The following WDR70 variants were observed in gnomAD, a reference collection of about 807,000 sequenced individuals.
The protein encoded by WDR70 is WD repeat domain 70.
Under a neutral mutation model 88.6 loss-of-function variants are expected in WDR70, and 53 were observed. That is an observed-to-expected ratio of 0.60 (90% CI 0.48 to 0.75). The LOEUF is 0.75. WDR70 is among the 30% of genes least tolerant of loss of function. The pLI, the probability that WDR70 is intolerant of heterozygous loss-of-function variation, is 0.00. For synonymous variants in WDR70, 280 were observed against 270.0 expected, an observed-to-expected ratio of 1.04 and a Z score of -0.36; for missense variants, 610 against 823.2, an observed-to-expected ratio of 0.74 and a Z score of 3.17.
chr5:37,565,429 A>G (rs556644459), intron 9 of WDR70, among the ~76,000 whole-genome samples: 35 of 151,982 alleles, frequency 2.3e-4, no homozygotes, highest in Non-Finnish European at 4.4e-4. Context: ...CTTTTGTGTC[A>G]TTAGTAACTG....
intron 9 of WDR70, among the ~76,000 whole-genome samples, chr5:37,523,666 A>G (rs953877888): frequency 5.3e-5 from 8 of 152,350 alleles, no homozygotes; most frequent in African/African-American, 1.9e-4. Flanking sequence ...AAGGCTTCAG[A>G]CGATCAAACT....
intron 5 of WDR70, among the ~76,000 whole-genome samples, chr5:37,405,163 C>A (rs1344182161): frequency 6.6e-6 from 1 of 151,936 alleles, no homozygotes; most frequent in African/African-American, 2.4e-5. Context: ...GTGTTGTGGT[C>A]ATGTAGAATG....
At chr5:37,506,917 A>C in intron 8 of WDR70, 1 of 863,224 alleles carries the variant, frequency 1.2e-6, no homozygotes, top group Admixed American at 1.8e-5. Flanking sequence ...TCCTCCTCCC[A>C]CCTTTTTCTC....
intron 7 of WDR70, among the ~76,000 whole-genome samples, chr5:37,474,973 C>G (rs1236149619): frequency 6.6e-6 from 1 of 151,998 alleles, no homozygotes; most frequent in Non-Finnish European, 1.5e-5. Context: ...GGCTGGAGTG[C>G]AGTGGCATGA....
chr5:37,479,271 TATAAGGTA>T, intron 7 of WDR70, among the ~76,000 whole-genome samples: 1 of 151,738 alleles, frequency 6.6e-6, no homozygotes, highest in Admixed American at 6.6e-5. Flanking sequence ...GGGTTGGAGA[TATAAGGTA>T]ATTAGAGAGA....
chr5:37,514,433 G>A (rs114025195), intron 8 of WDR70, among the ~76,000 whole-genome samples: 8,316 of 140,804 alleles, frequency 0.059, 318 homozygotes, highest in South Asian at 0.12. Flanking sequence ...GGATATACAG[G>A]TTTGTTATAT....
chr5:37,692,295 G>A (rs1472998306), intron 10 of WDR70, among the ~76,000 whole-genome samples: 3 of 152,184 alleles, frequency 2.0e-5, no homozygotes, highest in Non-Finnish European at 4.4e-5. Flanking sequence ...GATACAAAGA[G>A]GAGCTGGTAC....
At chr5:37,600,788 A>G (rs931357175) in intron 9 of WDR70, among the ~76,000 whole-genome samples, 16 of 144,208 alleles carry the variant, frequency 1.1e-4, no homozygotes, top group Admixed American at 6.6e-4. Flanking sequence ...TAAAACTCAC[A>G]TATTACAGGT....
chr5:37,503,565 C>G (rs759733285), intron 8 of WDR70, among the ~76,000 whole-genome samples: 6 of 152,168 alleles, frequency 3.9e-5, no homozygotes, highest in African/African-American at 1.4e-4. Context: ...TAATGGCCTC[C>G]AGCTCCATCC....
At chr5:37,438,406 A>C (rs991099214) in intron 6 of WDR70, among the ~76,000 whole-genome samples, 1 of 152,106 alleles carries the variant, frequency 6.6e-6, no homozygotes, top group African/African-American at 2.4e-5. Context: ...GTATGGCTCT[A>C]AGTATTTATT....
At chr5:37,740,094 T>C (rs996590292) in intron 17 of WDR70, among the ~76,000 whole-genome samples, 4 of 152,228 alleles carry the variant, frequency 2.6e-5, no homozygotes, top group Non-Finnish European at 5.9e-5. Context: ...TGCTTGATGT[T>C]GTTGATTTAT....
chr5:37,580,254 A>T (rs1743180771), intron 9 of WDR70, among the ~76,000 whole-genome samples: 1 of 152,226 alleles, frequency 6.6e-6, no homozygotes, highest in Non-Finnish European at 1.5e-5. Context: ...AGCTATGGAA[A>T]GCTTTGGCTT....
intron 10 of WDR70, among the ~76,000 whole-genome samples, chr5:37,678,724 C>T (rs1002044992): frequency 2.0e-5 from 3 of 152,170 alleles, no homozygotes; most frequent in Non-Finnish European, 4.4e-5. Context: ...AGTTGCTCTT[C>T]TCGAGGAGTA....
chr5:37,737,210 A>C (rs1319926462), intron 17 of WDR70, among the ~76,000 whole-genome samples: 1 of 152,094 alleles, frequency 6.6e-6, no homozygotes, highest in African/African-American at 2.4e-5. Context: ...TTTAATCCTC[A>C]CAGCAGCCCT....
intron 2 of WDR70, among the ~76,000 whole-genome samples, chr5:37,381,391 G>A (rs1458741605): frequency 4.6e-5 from 7 of 152,156 alleles, no homozygotes; most frequent in Non-Finnish European, 1.0e-4. Flanking sequence ...AGAGGAGGAT[G>A]GGAAAGTTGC....
At chr5:37,715,914 ACACACACACACG>A (rs1747642120) in intron 13 of WDR70, among the ~76,000 whole-genome samples, 1 of 151,752 alleles carries the variant, frequency 6.6e-6, no homozygotes, top group Non-Finnish European at 1.5e-5. Flanking sequence ...GCACACACAA[ACACACACACACG>A]CACACACACA....
intron 8 of WDR70, among the ~76,000 whole-genome samples, chr5:37,482,497 C>T (rs929042484): frequency 7.9e-5 from 12 of 152,300 alleles, no homozygotes; most frequent in Middle Eastern, 3.4e-3. Flanking sequence ...GAGACTTATT[C>T]AGTACCATGA....
In WDR70 at chr5:37,543,545, T is replaced by C. The variant is rs547957512; in HGVS notation, c.917+26955T>C. On this transcript the variant is annotated intron_variant, in intron 9 of 17. Transcript: ENST00000265107. ...GAGAGAGAGATTGAGAATACAGATA[T>C]GATGAACTGTTATATTGTGTTTGTT... Among the ~76,000 whole-genome samples, 36 of 152,140 alleles carry C rather than the reference T, an allele frequency of 2.4e-4. 1 individual carries two copies. The East Asian group carries it at 6.8e-3, about 29-fold the overall frequency.
At chr5:37,546,927 A>C (rs1742017749) in intron 9 of WDR70, among the ~76,000 whole-genome samples, 1 of 152,070 alleles carries the variant, frequency 6.6e-6, no homozygotes, top group African/African-American at 2.4e-5. Flanking sequence ...AAAAAAAAAA[A>C]AAATTATGTA....
Sources: gnomAD v4.1 joint callset for allele counts (sites outside exome capture counted in the v4.1 genomes callset) on GRCh38, gnomAD v4.1.1 for gene constraint, MANE v1.5 for transcripts, NCBI Gene and HGNC (gene_info 2026-07-23, HGNC 2026-07-21) for gene names.